The following HGSNAT variants were observed in gnomAD, a reference collection of about 807,000 sequenced individuals.
The protein encoded by HGSNAT is heparan-alpha-glucosaminide N-acetyltransferase, also known as transmembrane protein 76.
A neutral mutation model predicts 85.2 loss-of-function variants in HGSNAT; 59 were observed. The ratio of observed to expected loss-of-function variants is 0.69; its 90% confidence interval spans 0.56 to 0.86. The LOEUF is 0.86. Among genes scored for constraint, HGSNAT ranks in the 40% least tolerant of loss-of-function variants. HGSNAT has a pLI of 0.00. For synonymous variants in HGSNAT, 321 were observed against 304.5 expected (o/e 1.05, Z -0.56); for missense variants, 756 against 777.1 (o/e 0.97, Z 0.32).
chr8:43,177,510 A>T (rs1803852959), intron 9 of HGSNAT, among the ~76,000 whole-genome samples: 1 of 147,706 alleles, frequency 6.8e-6, no homozygotes. Context: ...GTGAGCCGAG[A>T]TCGTGCCATT....
chr8:43,154,529 C>A (rs1803028648), intron 2 of HGSNAT, among the ~76,000 whole-genome samples: 2 of 152,028 alleles, frequency 1.3e-5, no homozygotes. Context: ...TGAACTCATC[C>A]TTTTTTATCG....
At chr8:43,176,709 T>G (rs1442168455) in intron 9 of HGSNAT, among the ~76,000 whole-genome samples, 2 of 152,220 alleles carry the variant, frequency 1.3e-5, no homozygotes, top group African/African-American at 4.8e-5. Flanking sequence ...TTTGGTGCCC[T>G]CTTCAATTTC....
chr8:43,198,580 C>A (rs1804812709), intron 17 of HGSNAT, among the ~76,000 whole-genome samples: 1 of 152,214 alleles, frequency 6.6e-6, no homozygotes, highest in South Asian at 2.1e-4. Context: ...AGCCACCGTG[C>A]CCAGCCTCTG....
intron 2 of HGSNAT, among the ~76,000 whole-genome samples, chr8:43,154,539 G>A (rs920122072): frequency 1.3e-5 from 2 of 151,896 alleles, no homozygotes; most frequent in Admixed American, 6.6e-5. Flanking sequence ...CTTTTTTATC[G>A]CTGCCTAGTA....
intron 9 of HGSNAT, among the ~76,000 whole-genome samples, chr8:43,175,420 A>C (rs1803774208): frequency 1.3e-5 from 2 of 152,136 alleles, no homozygotes; most frequent in Non-Finnish European, 2.9e-5. Context: ...AACCATTTTA[A>C]CTGGGGTAAG....
chr8:43,192,367 T>C lies in HGSNAT; in HGVS notation c.1314T>C (p.Ala438=), dbSNP rs776703067. ...FGKYPNCTGG[A]AGYIDRLLLG... ...AGTATCCAAATTGCACTGGAGGAGCTGCAGGCTACATCGACCGCCTGCTGC... is the reference window on the plus strand; with the variant it reads ...AGTATCCAAATTGCACTGGAGGAGCCGCAGGCTACATCGACCGCCTGCTGC... The change falls in exon 13 of 18, where the codon GCT becomes GCC. Residue 438 remains alanine, a synonymous_variant. Transcript: ENST00000379644. The C allele has an allele frequency of 6.2e-7, 1 of 1,612,918 alleles. No individual in the cohort carries two copies. The highest frequency in any genetic ancestry group is 1.1e-5 in the South Asian group (1 of 90,800).
chr8:43,179,732 C>T (rs1307038331), intron 10 of HGSNAT, among the ~76,000 whole-genome samples: 1 of 20,568 alleles, frequency 4.9e-5, no homozygotes, highest in Non-Finnish European at 1.0e-4. Flanking sequence ...ACCTCCCTCC[C>T]GGGCGGGGCG....
At chr8:43,165,766 AT>A (rs1273550867) in intron 5 of HGSNAT, among the ~76,000 whole-genome samples, 5 of 152,046 alleles carry the variant, frequency 3.3e-5, no homozygotes, top group African/African-American at 1.2e-4. Flanking sequence ...GCAAAACCCC[AT>A]CTCTACTAAA....
intron 2 of HGSNAT, among the ~76,000 whole-genome samples, chr8:43,155,927 G>A (rs1415786239): frequency 6.6e-6 from 1 of 151,686 alleles, no homozygotes; most frequent in Non-Finnish European, 1.5e-5. Flanking sequence ...TGCAGCCTCT[G>A]TCTTCCGGGT....
chr8:43,196,857 C>T, intron 14 of HGSNAT, 91 bp from the exon 15 acceptor site: 3 of 812,296 alleles, frequency 3.7e-6, no homozygotes, highest in Middle Eastern at 2.2e-4. Flanking sequence ...GCAAGTGAAT[C>T]TCTTTGTCAG....
chr8:43,142,659 G>T (rs1436239698), intron 1 of HGSNAT, among the ~76,000 whole-genome samples: 1 of 152,086 alleles, frequency 6.6e-6, no homozygotes, highest in African/African-American at 2.4e-5. Context: ...CATGCTGATT[G>T]GGCAGAGATT....
intron 14 of HGSNAT, 198 bp from the exon 15 acceptor site, chr8:43,196,750 A>C (rs1278074145): frequency 3.3e-6 from 2 of 603,618 alleles, no homozygotes; most frequent in Non-Finnish European, 5.9e-6. Context: ...GAGGGCGTTC[A>C]TCTCTGGTCC....
chr8:43,151,411 AGT>A lies in HGSNAT; in HGVS notation c.234+4351_234+4352del, dbSNP rs556833199. On this transcript the variant is annotated intron_variant, in intron 2 of 17. Coordinates refer to ENST00000379644, the MANE Select transcript of HGSNAT (RefSeq NM_152419.3). Reference sequence around the variant, plus strand: ...GCTCCTTGGGAGTGTTTCGTGACTGAGTGTCTGTAAGCTGAAGCAGAGCGAGA... The same window carrying A: ...GCTCCTTGGGAGTGTTTCGTGACTGAGTCTGTAAGCTGAAGCAGAGCGAGA... Among the ~76,000 whole-genome samples, 192 of 152,306 alleles carry A rather than the reference AGT, an allele frequency of 1.3e-3. 1 individual carries two copies. The highest frequency in any genetic ancestry group is 4.5e-3 in the African/African-American group (188 of 41,558).
At chr8:43,145,247 G>T in intron 1 of HGSNAT, among the ~76,000 whole-genome samples, 1 of 152,138 alleles carries the variant, frequency 6.6e-6, no homozygotes, top group Non-Finnish European at 1.5e-5. Context: ...CCACCACCCT[G>T]CGTGCTGACC....
intron 2 of HGSNAT, among the ~76,000 whole-genome samples, chr8:43,155,377 C>CT (rs1450098520): frequency 2.0e-5 from 3 of 152,070 alleles, no homozygotes; most frequent in South Asian, 4.1e-4. Context: ...TTTATATCTT[C>CT]TTTTTTTCCC....
intron 2 of HGSNAT, among the ~76,000 whole-genome samples, chr8:43,155,867 G>A (rs560339587): frequency 1.2e-4 from 18 of 151,626 alleles, no homozygotes; most frequent in African/African-American, 4.4e-4. Flanking sequence ...TTAAGATGGA[G>A]TTGTGCTCTT....
rs953905178 is a variant in HGSNAT at position 43,148,796 on chromosome 8, GA to G, written c.234+1748del. Among the ~76,000 whole-genome samples, 1,061 of 113,892 alleles carry G rather than the reference GA, an allele frequency of 9.3e-3. 10 individuals are homozygous for G. The highest frequency in any genetic ancestry group is 0.027 in the African/African-American group (846 of 31,120). The allele number at this position is 113,892 out of a possible 152,430, so 74.7% of individuals were successfully genotyped here. On this transcript the variant is annotated intron_variant, in intron 2 of 17. Coordinates refer to ENST00000379644, the MANE Select transcript of HGSNAT (RefSeq NM_152419.3). ...CAACAAGAGCGAAACTCCGTCTCAA[GA>G]AAAAAAAAAAAAAAGAAAGAATTAA...
At position 43,155,751 on chromosome 8, in the gene HGSNAT, A is replaced by T. The variant is rs144454434; in HGVS notation, c.235-2824A>T. On this transcript the variant is annotated intron_variant, in intron 2 of 17. Coordinates refer to ENST00000379644, the MANE Select transcript of HGSNAT (RefSeq NM_152419.3). ...AGTTGGTTTGTGAAAGATATGAGAG[A>T]TAGGGGTCTAGTTTCATTCTTCTAC... is the stretch of plus-strand genomic sequence containing the variant. 8.2e-3 allele frequency among the ~76,000 whole-genome samples: 1,246 copies of T among 152,276 alleles called. 18 individuals carry two copies. The highest frequency in any genetic ancestry group is 0.028 in the African/African-American group (1,163 of 41,556).
At chr8:43,192,520 C>G in intron 13 of HGSNAT, 90 bp downstream of exon 13, 1 of 1,398,790 alleles carries the variant, frequency 7.1e-7, no homozygotes. Context: ...TAAACCATGC[C>G]CATTTAAGAA....
Sources: gnomAD v4.1 joint callset for allele counts (sites outside exome capture counted in the v4.1 genomes callset) on GRCh38, gnomAD v4.1.1 for gene constraint, MANE v1.5 for transcripts, NCBI Gene and HGNC (gene_info 2026-07-23, HGNC 2026-07-21) for gene names.